LSAMP: variants seen among roughly 807,000 people sequenced by gnomAD.
LSAMP encodes the protein limbic system associated membrane protein.
Under a neutral mutation model 38.6 loss-of-function variants are expected in LSAMP, and 7 were observed. That is an observed-to-expected ratio of 0.18 (90% CI 0.10 to 0.34). The LOEUF (loss-of-function observed/expected upper bound fraction) is 0.34. Among genes scored for constraint, LSAMP ranks in the 10% least tolerant of loss-of-function variants. LSAMP has a pLI of 1.00. For synonymous variants in LSAMP, 154 were observed against 166.8 expected (o/e 0.92, Z 0.59); for missense variants, 313 against 420.0 (o/e 0.75, Z 2.23).
intron 1 of LSAMP, among the ~76,000 whole-genome samples, chr3:116,167,035 C>T: frequency 6.6e-6 from 1 of 152,100 alleles, no homozygotes; most frequent in East Asian, 1.9e-4. Flanking sequence ...TCGTGATCCG[C>T]CCGCCTTGGC....
chr3:116,350,544 T>C (rs2048123849), intron 1 of LSAMP, among the ~76,000 whole-genome samples: 1 of 152,092 alleles, frequency 6.6e-6, no homozygotes, highest in African/African-American at 2.4e-5. Context: ...TTTGTCCTGC[T>C]CATCCCTGCA....
At chr3:116,089,091 A>G (rs1244364668) in intron 1 of LSAMP, among the ~76,000 whole-genome samples, 2 of 152,208 alleles carry the variant, frequency 1.3e-5, no homozygotes, top group Admixed American at 1.3e-4. Context: ...ATTCATGGAA[A>G]AGTTAAAGTC....
Position 116,231,697 on chromosome 3 carries a change from T to A in LSAMP, c.156-145141A>T, listed in dbSNP as rs149116379. ...ACTTGGAGTAAAATAAGAGTTCTGT[T>A]AAAGAGAGGGGACACTGTGGGCTGA... On this transcript the variant is annotated intron_variant, in intron 1 of 6. Transcript: ENST00000490035. Among the ~76,000 whole-genome samples, 869 of 152,192 alleles carry A rather than the reference T, an allele frequency of 5.7e-3. 7 individuals carry two copies. Among genetic ancestry groups the A allele is most frequent in the African/African-American group, 0.02 (822 of 41,530 alleles).
At chr3:116,321,243 C>G (rs1244472261) in intron 1 of LSAMP, among the ~76,000 whole-genome samples, 2 of 152,044 alleles carry the variant, frequency 1.3e-5, no homozygotes, top group East Asian at 1.9e-4. Flanking sequence ...GTTTGTGGTG[C>G]ATGCCTGTGG....
Position 115,880,295 on chromosome 3 carries a change from T to C in LSAMP, c.515-27678A>G, listed in dbSNP as rs181709940. ...GAGTTTCATTAATGGCATCATGTTATAGAGAAACTCCCCAAACAACTCCTT... is the reference window on the plus strand; with the variant it reads ...GAGTTTCATTAATGGCATCATGTTACAGAGAAACTCCCCAAACAACTCCTT... On this transcript the variant is annotated intron_variant, in intron 3 of 6. Coordinates refer to ENST00000490035, the MANE Select transcript of LSAMP (RefSeq NM_002338.5). 1.5e-4 allele frequency among the ~76,000 whole-genome samples: 23 copies of C among 152,272 alleles called. No individual in the cohort carries two copies. The East Asian group carries it at 3.5e-3, about 23-fold the overall frequency.
chr3:115,978,816 A>G (rs1005203302), intron 3 of LSAMP, among the ~76,000 whole-genome samples: 1 of 152,134 alleles, frequency 6.6e-6, no homozygotes, highest in Non-Finnish European at 1.5e-5. Flanking sequence ...GTTGAGTGCT[A>G]CCATGATAAA....
At chr3:116,257,908 A>G (rs1037230504) in intron 1 of LSAMP, among the ~76,000 whole-genome samples, 4 of 152,164 alleles carry the variant, frequency 2.6e-5, no homozygotes, top group Admixed American at 2.6e-4. Flanking sequence ...TTTTCTCAGT[A>G]AACATGGAAA....
At chr3:116,440,133 G>T (rs976613843) in intron 1 of LSAMP, among the ~76,000 whole-genome samples, 1 of 152,190 alleles carries the variant, frequency 6.6e-6, no homozygotes, top group Non-Finnish European at 1.5e-5. Flanking sequence ...CTTCTGAGTC[G>T]TACAAACTAA....
At chr3:116,190,071 C>T (rs1047768321) in intron 1 of LSAMP, among the ~76,000 whole-genome samples, 1 of 139,992 alleles carries the variant, frequency 7.1e-6, no homozygotes, top group African/African-American at 2.7e-5. Flanking sequence ...CCACTATGAG[C>T]CTCAGGTCCA....
intron 2 of LSAMP, among the ~76,000 whole-genome samples, chr3:116,070,069 T>G (rs111390183): frequency 1.1e-3 from 171 of 152,198 alleles, no homozygotes; most frequent in African/African-American, 3.6e-3. Flanking sequence ...CATGAGAATA[T>G]TGCATTATTT....
intron 1 of LSAMP, among the ~76,000 whole-genome samples, chr3:116,278,664 G>A (rs1175704226): frequency 2.0e-5 from 3 of 152,162 alleles, no homozygotes; most frequent in Non-Finnish European, 4.4e-5. Context: ...TTTGTGTCAT[G>A]AAAATATCTA....
rs1940580416 is a variant in LSAMP, at chr3:116,019,562, T to C, written c.467A>G (p.Asn156Ser). Reference sequence around the variant, plus strand: ...GGTGATAACAGGTTCAGGACGGCCATTGGCCATGCAGACCAGAGTCACGTT... The same window carrying C: ...GGTGATAACAGGTTCAGGACGGCCACTGGCCATGCAGACCAGAGTCACGTT... ...GSNVTLVCMA[N>S]GRPEPVITWR... is the part of the protein sequence containing the mutation. The change falls in exon 3 of 7, where the codon AAT becomes AGT. Residue 156 changes from asparagine (N) to serine (S), a missense_variant. Physicochemically the swap from Asn to Ser is conservative, Grantham distance 46 (BLOSUM62 1). Transcript: ENST00000490035. 4 of 1,613,000 alleles carry C rather than the reference T, an allele frequency of 2.5e-6. No individual in the cohort carries two copies. The highest frequency in any genetic ancestry group is 3.4e-6 in the Non-Finnish European group (4 of 1,179,164).
At chr3:116,426,350 A>G (rs2049195823) in intron 1 of LSAMP, among the ~76,000 whole-genome samples, 1 of 151,508 alleles carries the variant, frequency 6.6e-6, no homozygotes, top group Non-Finnish European at 1.5e-5. Flanking sequence ...AATCTCAGCT[A>G]CTTGGGACGA....
intron 1 of LSAMP, among the ~76,000 whole-genome samples, chr3:116,230,580 G>A (rs1281484374): frequency 6.6e-6 from 1 of 152,106 alleles, no homozygotes; most frequent in African/African-American, 2.4e-5. Flanking sequence ...CATAGGCTAT[G>A]TCACCTTCAA....
chr3:116,094,708 G>A (rs1341353058), intron 1 of LSAMP, among the ~76,000 whole-genome samples: 1 of 152,158 alleles, frequency 6.6e-6, no homozygotes, highest in Non-Finnish European at 1.5e-5. Flanking sequence ...ACTGTGTACT[G>A]CTGATGGAGT....
intron 1 of LSAMP, among the ~76,000 whole-genome samples, chr3:116,351,993 G>A (rs1003539181): frequency 4.6e-5 from 7 of 152,056 alleles, no homozygotes; most frequent in African/African-American, 1.7e-4. Context: ...AATGTCAGAG[G>A]AAAGTTTAGT....
chr3:116,007,500 C>G (rs1461493816), intron 3 of LSAMP, among the ~76,000 whole-genome samples: 1 of 152,102 alleles, frequency 6.6e-6, no homozygotes, highest in Admixed American at 6.6e-5. Context: ...AATGTGTGCA[C>G]ATTTTAAGTG....
intron 1 of LSAMP, among the ~76,000 whole-genome samples, chr3:116,407,629 A>T (rs1920184): frequency 0.53 from 79,994 of 151,904 alleles, 23,294 homozygotes; most frequent in East Asian, 0.76. Context: ...CAATCTTAAG[A>T]AATTGTTGGT....
At chr3:116,105,294 G>C (rs1203409807) in intron 1 of LSAMP, among the ~76,000 whole-genome samples, 2 of 152,106 alleles carry the variant, frequency 1.3e-5, no homozygotes, top group African/African-American at 4.8e-5. Flanking sequence ...GATGTGAGAG[G>C]ACTAACTGCC....
Sources: allele counts gnomAD v4.1 joint callset (sites outside exome capture counted in the v4.1 genomes callset), GRCh38; gene constraint gnomAD v4.1.1; transcripts MANE v1.5; gene names NCBI Gene and HGNC (gene_info 2026-07-23, HGNC 2026-07-21).